PHF14: variants seen among roughly 807,000 people sequenced by gnomAD.
PHF14 encodes PHD finger protein 14.
In PHF14, 55 loss-of-function variants were observed where a neutral mutation model predicts 117.9. The observed-to-expected ratio is 0.47, with a 90% CI of 0.38 to 0.58. PHF14 has a LOEUF of 0.58. PHF14 is among the 20% of genes least tolerant of loss of function. The pLI is 0.00. For synonymous variants in PHF14, 409 were observed against 368.6 expected, an observed-to-expected ratio of 1.11 and a Z score of -1.26; for missense variants, 978 against 1,122.2, an observed-to-expected ratio of 0.87 and a Z score of 1.84.
At chr7:10,999,879 C>A (rs972129952) in intron 4 of PHF14, among the ~76,000 whole-genome samples, 3 of 152,180 alleles carry the variant, frequency 2.0e-5, no homozygotes, top group Non-Finnish European at 2.9e-5. Context: ...ATTGATTTAA[C>A]TGACTTTGAT....
At chr7:11,122,352 T>TATATATATATATATAC in intron 17 of PHF14, among the ~76,000 whole-genome samples, 3 of 65,876 alleles carry the variant, frequency 4.6e-5, no homozygotes, top group African/African-American at 7.3e-5. Flanking sequence ...TATATATATA[T>TATATATATATATATAC]ACACACACAC....
At chr7:11,111,976 T>G (rs1787462562) in intron 17 of PHF14, among the ~76,000 whole-genome samples, 1 of 151,860 alleles carries the variant, frequency 6.6e-6, no homozygotes, top group South Asian at 2.1e-4. Flanking sequence ...CTGAGTAGAA[T>G]GAAATTTCTA....
At chr7:11,100,178 T>A (rs967809253) in intron 16 of PHF14, among the ~76,000 whole-genome samples, 13 of 152,070 alleles carry the variant, frequency 8.5e-5, no homozygotes, top group African/African-American at 3.1e-4. Context: ...TTTGGACATA[T>A]GAAATAGACA....
chr7:11,024,787 T>C (rs1332818235), intron 6 of PHF14, among the ~76,000 whole-genome samples: 1 of 152,226 alleles, frequency 6.6e-6, no homozygotes, highest in Admixed American at 6.5e-5. Context: ...CCAAGAGCTC[T>C]GATGAAGTAC....
chr7:11,028,773 C>T lies in PHF14; in HGVS notation c.1410C>T (p.Thr470=), dbSNP rs754658779. ...AGMCRAYFHV[T]CAQKEGLLSE... The stretch of plus-strand genomic sequence containing the variant: ...TGTGCAGAGCCTATTTCCATGTGAC[C>T]TGTGCTCAAAAGGAAGGTCTGCTTT... The change falls in exon 7 of 18, where the codon ACC becomes ACT. Residue 470 remains threonine (T), a synonymous_variant. Transcript: ENST00000634607. 1 of 1,613,746 alleles carries T rather than the reference C, an allele frequency of 6.2e-7. No individual in the cohort carries two copies. Among genetic ancestry groups the T allele is most frequent in the African/African-American group, 1.3e-5 (1 of 75,008 alleles).
intron 17 of PHF14, among the ~76,000 whole-genome samples, chr7:11,167,858 T>C (rs1789247062): frequency 6.6e-6 from 1 of 152,026 alleles, no homozygotes; most frequent in African/African-American, 2.4e-5. Flanking sequence ...TGAAACCCCG[T>C]CTCTACTAAA....
intron 4 of PHF14, among the ~76,000 whole-genome samples, chr7:11,007,319 G>A (rs1783156456): frequency 6.6e-6 from 1 of 151,656 alleles, no homozygotes; most frequent in South Asian, 2.1e-4. Flanking sequence ...TTCCATCCTT[G>A]CAAATGTTTT....
intron 17 of PHF14, among the ~76,000 whole-genome samples, chr7:11,158,050 A>G (rs78787885): frequency 9.5e-4 from 144 of 152,278 alleles, no homozygotes; most frequent in Non-Finnish European, 1.5e-3. Context: ...AACATCTTAT[A>G]TAAGCATAGA....
At position 10,977,315 on chromosome 7, in the gene PHF14, CG is replaced by C. The variant is rs1385941249; in HGVS notation, c.112+2372del. Among the ~76,000 whole-genome samples the C allele has an allele frequency of 2.0e-5, 3 of 152,106 alleles. No homozygotes were observed. The East Asian group carries it at 5.8e-4, about 29-fold the overall frequency. ...TAGAAATGACTCATTGAATGAACTA[CG>C]GACTTCCTTAGAACTTAATATTAAA... On this transcript the variant is annotated intron_variant, in intron 2 of 17. Transcript: ENST00000634607.
At chr7:11,151,434 C>T (rs539278578) in intron 17 of PHF14, among the ~76,000 whole-genome samples, 4 of 152,158 alleles carry the variant, frequency 2.6e-5, no homozygotes, top group Admixed American at 1.3e-4. Context: ...TGGTGCACAC[C>T]TATAGTTCCA....
Position 11,063,240 on chromosome 7 carries a change from G to C in PHF14, c.2654+1155G>C, listed in dbSNP as rs898663266. On this transcript the variant is annotated intron_variant, in intron 16 of 17. Transcript: ENST00000634607. The stretch of plus-strand genomic sequence containing the variant: ...ATTTTTTTGAGGTAGTTCATGTAGA[G>C]TGTGTTGGGAGCTATCCTGAAGGTT... 35 of 984,646 alleles carry C rather than the reference G, an allele frequency of 3.6e-5. 1 individual carries two copies. The highest frequency in any genetic ancestry group is 1.0e-3 in the Middle Eastern group (2 of 1,936). 61.0% of individuals were successfully genotyped at this position (984,646 alleles called of 1,614,324 possible). A position where few individuals can be genotyped will look rare whatever the true frequency, so the allele number is the denominator to read the frequency against.
intron 5 of PHF14, among the ~76,000 whole-genome samples, chr7:11,017,889 G>C (rs894566002): frequency 9.2e-5 from 14 of 152,182 alleles, no homozygotes; most frequent in African/African-American, 3.4e-4. Context: ...TATTTTCATA[G>C]TTTGAGGTCT....
chr7:11,078,323 A>G (rs1332468449), intron 16 of PHF14, among the ~76,000 whole-genome samples: 1 of 152,172 alleles, frequency 6.6e-6, no homozygotes, highest in Non-Finnish European at 1.5e-5. Context: ...AGTGAATAAC[A>G]GAATATGAAC....
intron 17 of PHF14, among the ~76,000 whole-genome samples, chr7:11,159,080 C>G (rs1253439855): frequency 6.6e-6 from 1 of 151,952 alleles, no homozygotes; most frequent in Non-Finnish European, 1.5e-5. Flanking sequence ...TATCTTAATG[C>G]AAATTATAGT....
At chr7:11,040,298 T>C (rs1583401500) in intron 11 of PHF14, among the ~76,000 whole-genome samples, 1 of 152,140 alleles carries the variant, frequency 6.6e-6, no homozygotes, top group East Asian at 1.9e-4. Flanking sequence ...AATTAACCTA[T>C]GGAACACCAA....
At chr7:11,000,334 C>CT (rs71023882) in intron 4 of PHF14, among the ~76,000 whole-genome samples, 1,477 of 60,396 alleles carry the variant, frequency 0.024, 7 homozygotes, top group East Asian at 0.038. Flanking sequence ...GCTTATTTGC[C>CT]TTTTTTTTTT....
At chr7:11,139,064 T>G (rs1426153727) in intron 17 of PHF14, among the ~76,000 whole-genome samples, 3 of 152,196 alleles carry the variant, frequency 2.0e-5, no homozygotes, top group African/African-American at 7.2e-5. Context: ...ATGGTATTAT[T>G]GTTGTTTTCA....
intron 17 of PHF14, among the ~76,000 whole-genome samples, chr7:11,152,160 T>C (rs1431867999): frequency 6.6e-6 from 1 of 152,166 alleles, no homozygotes; most frequent in African/African-American, 2.4e-5. Context: ...AATAATAATC[T>C]GGTCAGTATC....
At chr7:10,983,308 C>T in intron 3 of PHF14, 149 bp downstream of exon 3, 1 of 760,710 alleles carries the variant, frequency 1.3e-6, no homozygotes, top group East Asian at 2.8e-5. Context: ...AACATTTTTT[C>T]ATTTGGCCAA....
Sources: gnomAD v4.1 joint callset for allele counts (sites outside exome capture counted in the v4.1 genomes callset) on GRCh38, gnomAD v4.1.1 for gene constraint, MANE v1.5 for transcripts, NCBI Gene and HGNC (gene_info 2026-07-23, HGNC 2026-07-21) for gene names.